Variants in PRR16 observed in about 807,000 individuals in gnomAD.
PRR16 encodes the protein protein Largen.
A neutral mutation model predicts 18.2 loss-of-function variants in PRR16; 6 were observed. The observed-to-expected ratio is 0.33, with a 90% confidence interval of 0.18 to 0.65. The LOEUF (loss-of-function observed/expected upper bound fraction) is 0.65, where lower values mean the gene tolerates loss of function less well. Ranked by LOEUF, PRR16 falls within the 30% of genes least tolerant of loss-of-function variation. The probability of loss-of-function intolerance (pLI) is 0.74; values close to 1 mark genes in which losing one functional copy is unlikely to be tolerated. For missense variants in PRR16, 412 were observed against 376.6 expected, an observed-to-expected ratio of 1.09 and a Z score of -0.78; for synonymous variants, 151 against 147.8, an observed-to-expected ratio of 1.02 and a Z score of -0.16.
chr5:120,748,698 T>C, the PRR16 span, among the ~76,000 whole-genome samples: 2 of 152,024 alleles, frequency 1.3e-5, no homozygotes, highest in African/African-American at 2.4e-5. Flanking sequence ...ATTCATTTAA[T>C]AGGTAACATG....
chr5:120,787,307 G>A, the PRR16 span, among the ~76,000 whole-genome samples: 2 of 152,092 alleles, frequency 1.3e-5, no homozygotes, highest in African/African-American at 4.8e-5. Context: ...AAAGCAATTT[G>A]AGGCTTTGTT....
At chr5:120,519,824 A>G (rs568435218) in intron 1 of PRR16, among the ~76,000 whole-genome samples, 3 of 152,230 alleles carry the variant, frequency 2.0e-5, no homozygotes, top group African/African-American at 7.2e-5. Context: ...AACATAAATA[A>G]AATCCCTAGC....
In PRR16 at chr5:120,686,102, T is replaced by C. The variant is rs1309442997; in HGVS notation, c.308T>C (p.Leu103Pro). ...EKIKVQANAPLIKPPAHPSAI... is the reference protein window; with the variant it reads ...EKIKVQANAPPIKPPAHPSAI... ...ATCAAAGTGCAGGCTAATGCACCGC[T>C]TATTAAACCCCCAGCACACCCGTCT... Residue 103 changes from leucine (L) to proline (P), a missense_variant, in exon 2 of 2, where the codon CTT becomes CCT. By Grantham distance (98) the Leu-to-Pro change is moderately conservative. Transcript: ENST00000407149. 3 of 1,613,954 alleles carry C rather than the reference T, an allele frequency of 1.9e-6. No individual in the cohort carries two copies. The highest frequency in any genetic ancestry group is 2.5e-6 in the Non-Finnish European group (3 of 1,180,028).
chr5:120,633,192 C>G (rs1386996672), intron 1 of PRR16, among the ~76,000 whole-genome samples: 1 of 152,074 alleles, frequency 6.6e-6, no homozygotes, highest in Non-Finnish European at 1.5e-5. Flanking sequence ...AGAGAATTCT[C>G]CACTACCAAG....
intron 1 of PRR16, among the ~76,000 whole-genome samples, chr5:120,587,484 C>T (rs1048529953): frequency 6.6e-6 from 1 of 152,136 alleles, no homozygotes; most frequent in Non-Finnish European, 1.5e-5. Flanking sequence ...TAAGTTGAAG[C>T]TGGTGCTTAT....
chr5:120,757,174 A>G, the PRR16 span, among the ~76,000 whole-genome samples: 2 of 151,750 alleles, frequency 1.3e-5, no homozygotes, highest in African/African-American at 2.4e-5. Context: ...TTCTTGGTCT[A>G]TTTGTCTGCT....
intron 1 of PRR16, among the ~76,000 whole-genome samples, chr5:120,650,916 A>G (rs1755760929): frequency 6.6e-6 from 1 of 152,054 alleles, no homozygotes; most frequent in Admixed American, 6.5e-5. Context: ...GACTTCCACA[A>G]TGGTTGAACT....
intron 1 of PRR16, among the ~76,000 whole-genome samples, chr5:120,601,163 G>A (rs1054840405): frequency 6.6e-6 from 1 of 151,966 alleles, no homozygotes; most frequent in Non-Finnish European, 1.5e-5. Context: ...GCTTTCCACA[G>A]TGGCGGAACT....
the PRR16 span, among the ~76,000 whole-genome samples, chr5:120,706,494 T>C: frequency 6.6e-6 from 1 of 152,188 alleles, no homozygotes; most frequent in Non-Finnish European, 1.5e-5. Flanking sequence ...ACAAGGAATT[T>C]TTTTAAGTTG....
chr5:120,757,929 TATC>T, the PRR16 span, among the ~76,000 whole-genome samples: 2 of 152,090 alleles, frequency 1.3e-5, no homozygotes, highest in Non-Finnish European at 2.9e-5. Flanking sequence ...AGTAAAAAAT[TATC>T]ATTAACCTAT....
chr5:120,755,223 T>A, the PRR16 span, among the ~76,000 whole-genome samples: 5 of 151,794 alleles, frequency 3.3e-5, no homozygotes, highest in African/African-American at 9.7e-5. Context: ...CTAAAAAAAA[T>A]AAAAAATAAT....
rs1052878559 is a variant in PRR16 at position 120,686,139 on chromosome 5, G to C, written c.345G>C (p.Thr115=). 1.5e-5 allele frequency: 24 copies of C among 1,614,062 alleles called. No individual in the cohort carries two copies. The highest frequency in any genetic ancestry group is 1.9e-5 in the Non-Finnish European group (23 of 1,179,990). Residue 115 remains threonine, a synonymous_variant, in exon 2 of 2, where the codon ACG becomes ACC. Transcript: ENST00000407149. ...CAGCACACCCGTCTGCTATCCTCAC[G>C]GTCCTGAGAAAGCCAAACCCTCCAC... ...KPPAHPSAIL[T]VLRKPNPPPP...
At chr5:120,794,398 A>G in the PRR16 span, among the ~76,000 whole-genome samples, 1 of 152,114 alleles carries the variant, frequency 6.6e-6, no homozygotes, top group African/African-American at 2.4e-5. Context: ...TTGTGTCTCT[A>G]TGTCATGTTT....
chr5:120,758,524 C>T, the PRR16 span, among the ~76,000 whole-genome samples: 79 of 152,220 alleles, frequency 5.2e-4, no homozygotes, highest in African/African-American at 1.5e-3. Context: ...TTGTAATCCC[C>T]GCATATTGAA....
chr5:120,734,443 A>G, the PRR16 span, among the ~76,000 whole-genome samples: 1 of 152,258 alleles, frequency 6.6e-6, no homozygotes, highest in African/African-American at 2.4e-5. Context: ...GAGCCTGATA[A>G]TTGTCATTAC....
chr5:120,565,971 T>A (rs1352333318), intron 1 of PRR16, among the ~76,000 whole-genome samples: 1 of 152,228 alleles, frequency 6.6e-6, no homozygotes, highest in Non-Finnish European at 1.5e-5. Context: ...TATTCTGTGT[T>A]AAATATATAA....
chr5:120,792,730 T>TA, the PRR16 span, among the ~76,000 whole-genome samples: 1 of 152,152 alleles, frequency 6.6e-6, no homozygotes, highest in East Asian at 1.9e-4. Flanking sequence ...TGCAGGTCAT[T>TA]AGGAACAAAA....
chr5:120,690,419 G>A (rs1757194927), downstream of PRR16, among the ~76,000 whole-genome samples: 1 of 152,052 alleles, frequency 6.6e-6, no homozygotes, highest in South Asian at 2.1e-4. Context: ...TTCGTTTCTT[G>A]CTTCTAATTC....
At chr5:120,699,425 A>C in the PRR16 span, among the ~76,000 whole-genome samples, 1 of 152,138 alleles carries the variant, frequency 6.6e-6, no homozygotes, top group Admixed American at 6.5e-5. Context: ...AGAGAGATAC[A>C]GTCATGGGGG....
Sources: gnomAD v4.1 joint callset for allele counts (sites outside exome capture counted in the v4.1 genomes callset) on GRCh38, gnomAD v4.1.1 for gene constraint, MANE v1.5 for transcripts, NCBI Gene and HGNC (gene_info 2026-07-23, HGNC 2026-07-21) for gene names.